PLIN3: variants seen among roughly 807,000 people sequenced by gnomAD.
The protein encoded by PLIN3 is perilipin-3.
Under a neutral mutation model 35.9 loss-of-function variants are expected in PLIN3, and 30 were observed. The ratio of observed to expected loss-of-function variants is 0.84; its 90% CI spans 0.62 to 1.13. The LOEUF (loss-of-function observed/expected upper bound fraction) is 1.13, where lower values mean the gene tolerates loss of function less well. PLIN3 is among the 50% of genes most tolerant of loss of function. The pLI, the probability that PLIN3 is intolerant of heterozygous loss-of-function variation, is 0.00. For synonymous variants in PLIN3, 261 were observed against 262.5 expected (o/e 0.99, Z 0.06); for missense variants, 603 against 596.9 (o/e 1.01, Z -0.11).
intron 7 of PLIN3, among the ~76,000 whole-genome samples, chr19:4,840,029 A>G (rs2029873644): frequency 7.4e-6 from 1 of 134,510 alleles, no homozygotes; most frequent in Non-Finnish European, 1.5e-5. Flanking sequence ...GTGCAGTGGC[A>G]TGATTTTGGC....
chr19:4,861,129 C>T (rs1313511844), intron 2 of PLIN3, among the ~76,000 whole-genome samples, 200 bp downstream of exon 2: 1 of 152,150 alleles, frequency 6.6e-6, no homozygotes, highest in Non-Finnish European at 1.5e-5. Context: ...CTCCCTCAGG[C>T]CCTCCAAGGG....
chr19:4,863,918 G>A (rs1349050642), intron 1 of PLIN3, among the ~76,000 whole-genome samples: 1 of 151,874 alleles, frequency 6.6e-6, no homozygotes, highest in South Asian at 2.1e-4. Flanking sequence ...GGGATAAAAT[G>A]TGTTAAATAG....
intron 5 of PLIN3, among the ~76,000 whole-genome samples, 169 bp from the exon 6 acceptor site, chr19:4,848,059 C>T (rs2030167805): frequency 6.6e-6 from 1 of 152,152 alleles, no homozygotes; most frequent in African/African-American, 2.4e-5. Context: ...TCTCGGCTCA[C>T]TGCAACCTCT....
intron 1 of PLIN3, among the ~76,000 whole-genome samples, 174 bp from the exon 2 acceptor site, chr19:4,861,585 G>C (rs1423677879): frequency 6.6e-6 from 1 of 152,074 alleles, no homozygotes; most frequent in Non-Finnish European, 1.5e-5. Context: ...AATAGCAAGT[G>C]CTGATTCTAA....
chr19:4,846,165 G>A (rs904292839), intron 6 of PLIN3, among the ~76,000 whole-genome samples: 8 of 151,878 alleles, frequency 5.3e-5, no homozygotes, highest in African/African-American at 1.9e-4. Flanking sequence ...GGCGGAGCTT[G>A]CAGTGAGCTG....
At chr19:4,858,700 G>GT (rs1568379697) in intron 4 of PLIN3, among the ~76,000 whole-genome samples, 9 of 27,816 alleles carry the variant, frequency 3.2e-4, no homozygotes, top group Non-Finnish European at 6.7e-4. Context: ...GTGTTTTTTT[G>GT]GTTTTTTTTT....
chr19:4,861,320 C>T lies in PLIN3; in HGVS notation c.66+9G>A, dbSNP rs1279294591. ...GTCGGGGCAGTCCCTGGTCCCGGCC[C>T]TTCCTCACCTGCTGTACCGGTTCTT... On this transcript the variant is annotated intron_variant, in intron 2 of 7. Transcript: ENST00000221957. 1 of 1,612,952 alleles carries T rather than the reference C, an allele frequency of 6.2e-7. No individual in the cohort carries two copies.
At chr19:4,853,216 C>G (rs1028749427) in intron 4 of PLIN3, among the ~76,000 whole-genome samples, 1 of 152,030 alleles carries the variant, frequency 6.6e-6, no homozygotes, top group Admixed American at 6.6e-5. Context: ...TCACTACAAA[C>G]TCCACCTCCT....
At chr19:4,853,130 TTC>T (rs1399185057) in intron 4 of PLIN3, among the ~76,000 whole-genome samples, 1 of 151,286 alleles carries the variant, frequency 6.6e-6, no homozygotes, top group Non-Finnish European at 1.5e-5. Context: ...GTTTTTTTTT[TTC>T]AATTTAATTT....
rs536279035 is a variant in PLIN3 at position 4,838,573 on chromosome 19, T to A, written c.*619A>T. Reference sequence around the variant, plus strand: ...AGTGGGATATGAACTATATCCCTGATTTTTTTTTCTTTTTTTTTTTTTTTG... The same window carrying A: ...AGTGGGATATGAACTATATCCCTGAATTTTTTTTCTTTTTTTTTTTTTTTG... On this transcript the variant is annotated 3_prime_UTR_variant, in exon 8 of 8. Coordinates refer to ENST00000221957, the MANE Select transcript of PLIN3 (RefSeq NM_005817.5). 7.6e-6 allele frequency: 1 copy of A among 130,896 alleles called. No homozygotes were observed. The highest frequency in any genetic ancestry group is 2.8e-4 in the East Asian group (1 of 3,534). 8.1% of individuals were successfully genotyped at this position (130,896 alleles called of 1,614,324 possible).
At chr19:4,850,187 A>G (rs946980081) in intron 5 of PLIN3, among the ~76,000 whole-genome samples, 1 of 149,130 alleles carries the variant, frequency 6.7e-6, no homozygotes, top group South Asian at 2.1e-4. Flanking sequence ...CTCAACCTCC[A>G]CCCGCCTCAG....
chr19:4,866,078 C>A lies in PLIN3; in HGVS notation c.-18+1531G>T, dbSNP rs192668625. Among the ~76,000 whole-genome samples, 16 of 148,422 alleles carry A rather than the reference C, an allele frequency of 1.1e-4. No homozygotes were observed. The East Asian group carries it at 3.2e-3, about 30-fold the overall frequency. ...TGTCGCCCAGGCTGGAATGCAGTGGCGTGATCTCAGTTCAGTGTAACCTCC... is the reference window on the plus strand; with the variant it reads ...TGTCGCCCAGGCTGGAATGCAGTGGAGTGATCTCAGTTCAGTGTAACCTCC... On this transcript the variant is annotated intron_variant, in intron 1 of 7. Coordinates refer to ENST00000221957, the MANE Select transcript of PLIN3 (RefSeq NM_005817.5).
chr19:4,843,265 G>A (rs2029965548), intron 7 of PLIN3, among the ~76,000 whole-genome samples: 1 of 151,880 alleles, frequency 6.6e-6, no homozygotes, highest in Admixed American at 6.6e-5. Flanking sequence ...CCAGCACTTT[G>A]GGAGGCCGAG....
chr19:4,860,060 G>C (rs762294705), intron 2 of PLIN3, 36 bp from the exon 3 acceptor site: 1 of 1,592,646 alleles, frequency 6.3e-7, no homozygotes, highest in African/African-American at 1.3e-5. Flanking sequence ...AACTGGGTGG[G>C]GGAAGATGGG....
Position 4,839,102 on chromosome 19 carries a change from G to T in PLIN3, c.*90C>A. On this transcript the variant is annotated 3_prime_UTR_variant, in exon 8 of 8. Coordinates refer to ENST00000221957, the MANE Select transcript of PLIN3 (RefSeq NM_005817.5). ...ACAGAAGAGCTGGGAGGAGTGGCTAGAAAATAAGTTTGAAATGAGCCCCGG... is the reference window on the plus strand; with the variant it reads ...ACAGAAGAGCTGGGAGGAGTGGCTATAAAATAAGTTTGAAATGAGCCCCGG... 1 of 1,098,722 alleles carries T rather than the reference G, an allele frequency of 9.1e-7. No homozygotes were observed. 68.1% of individuals were successfully genotyped at this position (1,098,722 alleles called of 1,614,324 possible). A position where few individuals can be genotyped will look rare whatever the true frequency, so the allele number is the denominator to read the frequency against.
chr19:4,844,539 C>A lies in PLIN3; in HGVS notation c.960+129G>T, dbSNP rs112964781. On this transcript the variant is annotated intron_variant, in intron 7 of 7. Transcript: ENST00000221957. ...AAGGCAGGCTTCCTGAAGGAGGTGT[C>A]ATTAGCTTCCAAAAGCAGGTGAGGC... 5,358 of 988,640 alleles carry A rather than the reference C, an allele frequency of 5.4e-3. 29 individuals carry two copies. The highest frequency in any genetic ancestry group is 0.033 in the Admixed American group (1,008 of 30,850). 61.2% of individuals were successfully genotyped at this position (988,640 alleles called of 1,614,324 possible).
chr19:4,842,590 A>G (rs1211835319), intron 7 of PLIN3, among the ~76,000 whole-genome samples: 21 of 111,878 alleles, frequency 1.9e-4, no homozygotes, highest in African/African-American at 7.8e-4. Flanking sequence ...ACAGAGTGAG[A>G]CTCTATCTCA....
intron 6 of PLIN3, among the ~76,000 whole-genome samples, chr19:4,847,370 T>C (rs891555140): frequency 6.6e-6 from 1 of 152,058 alleles, no homozygotes. Flanking sequence ...TTTTAAATTA[T>C]TTTTTGTAGA....
chr19:4,853,947 T>C (rs1277934208), intron 4 of PLIN3, among the ~76,000 whole-genome samples: 1 of 142,324 alleles, frequency 7.0e-6, no homozygotes, highest in Non-Finnish European at 1.5e-5. Flanking sequence ...TTTTTTTTTC[T>C]TTTGAGACAG....
Sources: allele counts gnomAD v4.1 joint callset (sites outside exome capture counted in the v4.1 genomes callset), GRCh38; gene constraint gnomAD v4.1.1; transcripts MANE v1.5; gene names NCBI Gene and HGNC (gene_info 2026-07-23, HGNC 2026-07-21).